FHL2: variants seen among roughly 807,000 people sequenced by gnomAD.
The protein encoded by FHL2 is four and a half LIM domains 2.
FHL2 carries 20 observed loss-of-function variants against 32.7 expected under a neutral mutation model. The observed-to-expected ratio is 0.61, with a 90% CI of 0.43 to 0.89. FHL2 has a LOEUF of 0.89. Among genes scored for constraint, FHL2 ranks in the 40% least tolerant of loss-of-function variants. FHL2 has a pLI of 0.00. For synonymous variants in FHL2, 123 were observed against 128.1 expected (o/e 0.96, Z 0.27); for missense variants, 311 against 358.6 (o/e 0.87, Z 1.07).
At position 105,386,386 on chromosome 2, in the gene FHL2, C is replaced by G. The variant is rs1193955049; in HGVS notation, c.131G>C (p.Gly44Ala). 6.2e-7 allele frequency: 1 copy of G among 1,614,004 alleles called. No individual in the cohort carries two copies. The highest frequency in any genetic ancestry group is 8.5e-7 in the Non-Finnish European group (1 of 1,180,028). ...TLFANTCEEC[G>A]KPIGCDCKDL... ...CTTGCAGTCACAGCCGATGGGCTTC[C>G]CACACTCCTCGCAGGTGTTGGCGAA... is the stretch of plus-strand genomic sequence containing the variant. The change falls in exon 3 of 7, where the codon GGG becomes GCG. Residue 44 changes from glycine (G) to alanine (A), a missense_variant. Coordinates refer to ENST00000530340, the MANE Select transcript of FHL2 (RefSeq NM_001318895.3).
chr2:105,424,661 A>G (rs1018344374), intron 1 of FHL2, among the ~76,000 whole-genome samples: 1 of 152,242 alleles, frequency 6.6e-6, no homozygotes, highest in African/African-American at 2.4e-5. Context: ...GGTAAAGAAA[A>G]AGTGGCACAT....
At chr2:105,434,620 G>C (rs1200227683) in intron 1 of FHL2, among the ~76,000 whole-genome samples, 1 of 151,792 alleles carries the variant, frequency 6.6e-6, no homozygotes, top group African/African-American at 2.4e-5. Context: ...TCTTTAACTT[G>C]GTTGCACCCT....
chr2:105,378,221 G>A (rs1014187415), intron 3 of FHL2: 9 of 470,530 alleles, frequency 1.9e-5, no homozygotes, highest in African/African-American at 1.8e-4. Context: ...AAATGCAATA[G>A]CTACAGTTTA....
At chr2:105,413,874 G>A (rs1350193142) in intron 1 of FHL2, among the ~76,000 whole-genome samples, 9 of 152,152 alleles carry the variant, frequency 5.9e-5, no homozygotes, top group African/African-American at 2.2e-4. Context: ...AAGCAATTCT[G>A]CAAACGATTC....
At position 105,373,679 on chromosome 2, in the gene FHL2, A is replaced by C. The variant is rs1255979544; in HGVS notation, c.211T>G (p.Cys71Gly). 15 of 1,614,096 alleles carry C rather than the reference A, an allele frequency of 9.3e-6. No individual in the cohort carries two copies. The highest frequency in any genetic ancestry group is 1.3e-5 in the Non-Finnish European group (15 of 1,180,048). The change falls in exon 4 of 7, where the codon TGC (cysteine) becomes GGC (glycine). Residue 71 changes from cysteine (C) to glycine (G), a missense_variant. Cys to Gly is a radical substitution (Grantham distance 159). Coordinates refer to ENST00000530340, the MANE Select transcript of FHL2 (RefSeq NM_001318895.3). ...GGCTTGTCCACCAGTGAGTTTCTGC[A>C]CTGCGAGCAGTGGAAACAGGCTTCA... Reference protein sequence around the residue: ...WHEACFHCSQCRNSLVDKPFA... With the variant: ...WHEACFHCSQGRNSLVDKPFA...
At chr2:105,423,999 T>G (rs1049900347) in intron 1 of FHL2, among the ~76,000 whole-genome samples, 2 of 152,060 alleles carry the variant, frequency 1.3e-5, no homozygotes, top group Non-Finnish European at 2.9e-5. Context: ...CCAAAAGCAA[T>G]GGCAACAAAA....
intron 1 of FHL2, among the ~76,000 whole-genome samples, chr2:105,427,634 A>G (rs1684306019): frequency 6.6e-6 from 1 of 152,192 alleles, no homozygotes; most frequent in Non-Finnish European, 1.5e-5. Context: ...GGTCTGCCTC[A>G]AAAGAAACTT....
rs556760463 is a variant in FHL2, at chr2:105,421,307, G to A, written c.-25+17092C>T. ...GGGCTTTGTGGCAATGTTCTGCCCT[G>A]CTTGAGGTTACAGGCCAAAGTTCAA... On this transcript the variant is annotated intron_variant, in intron 1 of 5. Coordinates refer to the FHL2 transcript ENST00000393352. 4.6e-5 allele frequency among the ~76,000 whole-genome samples: 7 copies of A among 152,316 alleles called. No homozygotes were observed. The South Asian group carries it at 1.5e-3, about 32-fold the overall frequency.
chr2:105,399,288 C>A (rs1378513681), upstream of FHL2: 3 of 1,535,766 alleles, frequency 2.0e-6, no homozygotes, highest in Non-Finnish European at 2.6e-6. Context: ...TTATCGGGAG[C>A]GTCGCCTCCG....
chr2:105,413,611 C>A (rs978353768), intron 1 of FHL2, among the ~76,000 whole-genome samples: 12 of 152,138 alleles, frequency 7.9e-5, no homozygotes, highest in Non-Finnish European at 1.5e-4. Context: ...CAAGCTGGGA[C>A]CACAGGTGCT....
At chr2:105,402,151 A>C (rs912864117), upstream of FHL2, among the ~76,000 whole-genome samples, 4 of 149,820 alleles carry the variant, frequency 2.7e-5, no homozygotes, top group Non-Finnish European at 5.9e-5. Context: ...ACACATATAC[A>C]CATGTATGTA....
intron 3 of FHL2, chr2:105,378,812 G>A (rs1409889773): frequency 6.6e-6 from 1 of 152,268 alleles, no homozygotes; most frequent in Admixed American, 6.5e-5. Flanking sequence ...GTTTTGTGGT[G>A]TACAATAACT....
upstream of FHL2, among the ~76,000 whole-genome samples, chr2:105,402,400 C>T (rs1293438130): frequency 6.6e-6 from 1 of 151,922 alleles, no homozygotes; most frequent in Non-Finnish European, 1.5e-5. Context: ...GCATGTGCCA[C>T]CATACCCGGC....
chr2:105,399,711 C>G (rs751314126), upstream of FHL2: 57 of 1,298,048 alleles, frequency 4.4e-5, no homozygotes, highest in Non-Finnish European at 5.2e-5. Context: ...GGGCCCTCTG[C>G]GTGACGCTGA....
chr2:105,412,617 C>T (rs1371805016), intron 1 of FHL2, among the ~76,000 whole-genome samples: 1 of 152,152 alleles, frequency 6.6e-6, no homozygotes, highest in Non-Finnish European at 1.5e-5. Flanking sequence ...TGAGTGAGGT[C>T]GTGCAAGAAA....
At chr2:105,389,434 G>T (rs1375129259) in intron 2 of FHL2, among the ~76,000 whole-genome samples, 1 of 152,192 alleles carries the variant, frequency 6.6e-6, no homozygotes, top group Non-Finnish European at 1.5e-5. Flanking sequence ...AATAAAGGGT[G>T]TGATTTAGCT....
chr2:105,371,687 T>C (rs975504913), intron 4 of FHL2, among the ~76,000 whole-genome samples: 4 of 152,250 alleles, frequency 2.6e-5, no homozygotes, highest in Non-Finnish European at 4.4e-5. Context: ...CCGGGAAATA[T>C]GCATACTTTT....
At chr2:105,419,195 T>C (rs1684025980) in intron 1 of FHL2, among the ~76,000 whole-genome samples, 1 of 152,176 alleles carries the variant, frequency 6.6e-6, no homozygotes, top group Non-Finnish European at 1.5e-5. Flanking sequence ...CACTTTGGCA[T>C]AAGGATTTTT....
chr2:105,375,201 G>A (rs1361185821), intron 3 of FHL2: 2 of 151,966 alleles, frequency 1.3e-5, no homozygotes, highest in East Asian at 3.9e-4. Flanking sequence ...GTGTTTTCCC[G>A]GAACCTGGAA....
Sources: gnomAD v4.1 joint callset for allele counts (sites outside exome capture counted in the v4.1 genomes callset) on GRCh38, gnomAD v4.1.1 for gene constraint, MANE v1.5 for transcripts, NCBI Gene and HGNC (gene_info 2026-07-23, HGNC 2026-07-21) for gene names.